The following ENO2 variants were observed in gnomAD, a reference collection of about 807,000 sequenced individuals.
ENO2 encodes gamma-enolase.
A neutral mutation model predicts 48.7 loss-of-function variants in ENO2; 19 were observed. That is an observed-to-expected ratio of 0.39 (90% CI 0.27 to 0.57). The LOEUF (loss-of-function observed/expected upper bound fraction) is 0.57. Ranked by LOEUF, ENO2 falls within the 20% of genes least tolerant of loss-of-function variation. The pLI, the probability that ENO2 is intolerant of heterozygous loss-of-function variation, is 0.58. For synonymous variants in ENO2, 198 were observed against 213.4 expected, an observed-to-expected ratio of 0.93 and a Z score of 0.63; for missense variants, 416 against 555.0, an observed-to-expected ratio of 0.75 and a Z score of 2.52.
chr12:6,917,553 C>T (rs1555141721), intron 5 of ENO2, 28 bp from the exon 6 acceptor site: 1 of 1,602,406 alleles, frequency 6.2e-7, no homozygotes, highest in Non-Finnish European at 8.5e-7. Flanking sequence ...GGACATTGTG[C>T]TCAGCACCTT....
intron 8 of ENO2, 33 bp from the exon 9 acceptor site, chr12:6,921,548 A>C (rs1591653992): frequency 1.2e-6 from 2 of 1,606,738 alleles, no homozygotes; most frequent in Non-Finnish European, 1.7e-6. Flanking sequence ...GAAGATGAAC[A>C]CCTCCCCCCT....
chr12:6,919,646 G>C lies in ENO2; in HGVS notation c.748G>C (p.Glu250Gln). The C allele has an allele frequency of 6.2e-7, 1 of 1,614,144 alleles. No individual in the cohort carries two copies. The highest frequency in any genetic ancestry group is 8.5e-7 in the Non-Finnish European group (1 of 1,180,038). Residue 250 changes from glutamate to glutamine, a missense_variant, in exon 8 of 12, where the codon GAG becomes CAG. By Grantham distance (29) the Glu-to-Gln change is conservative. Transcript: ENST00000229277. Reference sequence around the variant, plus strand: ...TATTGGCATGGATGTTGCTGCCTCAGAGTTTTATCGTGATGGCAAATATGA... The same window carrying C: ...TATTGGCATGGATGTTGCTGCCTCACAGTTTTATCGTGATGGCAAATATGA... ...IVIGMDVAASEFYRDGKYDLD... is the reference protein window; with the variant it reads ...IVIGMDVAASQFYRDGKYDLD...
chr12:6,917,278 G>T, intron 5 of ENO2, 171 bp downstream of exon 5: 7 of 828,382 alleles, frequency 8.5e-6, no homozygotes, highest in Non-Finnish European at 1.3e-5. Flanking sequence ...GGGAAGGACC[G>T]ACAGTAGGCA....
chr12:6,917,433 A>T, intron 5 of ENO2, 148 bp from the exon 6 acceptor site: 1 of 1,112,858 alleles, frequency 9.0e-7, no homozygotes, highest in Non-Finnish European at 1.3e-6. Context: ...TGTTTTCAAG[A>T]GAGCATGGAT....
chr12:6,917,147 G>T, intron 5 of ENO2, 40 bp downstream of exon 5: 2 of 1,611,966 alleles, frequency 1.2e-6, no homozygotes, highest in East Asian at 2.2e-5. Context: ...GCGTCAGGGT[G>T]GGGAGGCGTG....
In ENO2 at chr12:6,918,118, G is replaced by T. The variant is rs1945308581; in HGVS notation, c.623G>T (p.Gly208Val). The T allele has an allele frequency of 2.5e-6, 4 of 1,614,162 alleles. No individual in the cohort carries two copies. Among genetic ancestry groups the T allele is most frequent in the Non-Finnish European group, 3.4e-6 (4 of 1,180,016 alleles). The change falls in exon 7 of 12, where the codon GGG becomes GTG. Residue 208 changes from glycine to valine, a missense_variant. By Grantham distance (109) the Gly-to-Val change is moderately radical. Coordinates refer to ENST00000229277, the MANE Select transcript of ENO2 (RefSeq NM_001975.3). Reference sequence around the variant, plus strand: ...TACGGCAAGGATGCCACCAATGTGGGGGATGAAGGTGGCTTTGCCCCCAAT... The same window carrying T: ...TACGGCAAGGATGCCACCAATGTGGTGGATGAAGGTGGCTTTGCCCCCAAT... ...DKYGKDATNV[G>V]DEGGFAPNIL...
chr12:6,916,466 G>C lies in ENO2; in HGVS notation c.135G>C (p.Glu45Asp), dbSNP rs1555141611. Residue 45 changes from glutamate to aspartate, a missense_variant, in exon 3 of 12, where the codon GAG (glutamate) becomes GAC (aspartate). Transcript: ENST00000229277. The surrounding 1 kb of genome is among the most constrained non-coding windows in gnomAD (Gnocchi z 4.5). ...VPSGASTGIY[E>D]ALELRDGDKQ... ...GTGGAGCCTCTACGGGCATCTATGA[G>C]GCCCTGGAGCTGAGGGATGGAGACA... 6.2e-7 allele frequency: 1 copy of C among 1,614,042 alleles called. No individual in the cohort carries two copies. The highest frequency in any genetic ancestry group is 1.1e-5 in the South Asian group (1 of 91,048).
In ENO2 at chr12:6,916,189, T is replaced by C. The variant is rs1945290348; in HGVS notation, c.86-228T>C. ...AGACGTGTGCTGCAAGCAATTTTCT[T>C]TCTGCGGGCTCCCACTTGTGCATGT... On this transcript the variant is annotated intron_variant, in intron 2 of 11. Transcript: ENST00000229277. The surrounding 1 kb of genome is among the most constrained non-coding windows in gnomAD (Gnocchi z 4.5). Among the ~76,000 whole-genome samples, 2 of 151,770 alleles carry C rather than the reference T, an allele frequency of 1.3e-5. No homozygotes were observed. Among genetic ancestry groups the C allele is most frequent in the African/African-American group, 4.8e-5 (2 of 41,296 alleles).
chr12:6,915,718 A>G (rs1312810386), intron 1 of ENO2, 103 bp from the exon 2 acceptor site: 45 of 388,756 alleles, frequency 1.2e-4, no homozygotes, highest in African/African-American at 1.0e-3. Context: ...CACTGCAGTA[A>G]CCTCTTTCCC....
At chr12:6,920,153 G>A (rs1555141973) in intron 8 of ENO2, among the ~76,000 whole-genome samples, 1 of 152,110 alleles carries the variant, frequency 6.6e-6, no homozygotes, top group African/African-American at 2.4e-5. Flanking sequence ...TGAGTAGAAA[G>A]AAGGCTGAGG....
chr12:6,920,377 G>C (rs947234632), intron 8 of ENO2, among the ~76,000 whole-genome samples: 2 of 136,494 alleles, frequency 1.5e-5, no homozygotes, highest in East Asian at 4.9e-4. Flanking sequence ...TTTTTTGGGG[G>C]GGGGGTGGGG....
chr12:6,917,385 T>C, intron 5 of ENO2, 196 bp from the exon 6 acceptor site: 1 of 792,600 alleles, frequency 1.3e-6, no homozygotes, highest in South Asian at 1.9e-5. Context: ...CTCTCTGCCG[T>C]TTCCAATCTC....
chr12:6,921,426 G>A, intron 8 of ENO2, 155 bp from the exon 9 acceptor site: 2 of 717,968 alleles, frequency 2.8e-6, no homozygotes, highest in Non-Finnish European at 4.7e-6. Context: ...AGTTAGGGCA[G>A]GCTTACACTG....
Position 6,922,023 on chromosome 12 carries a change from G to C in ENO2, c.1068-33G>C. 1 of 1,612,662 alleles carries C rather than the reference G, an allele frequency of 6.2e-7. No homozygotes were observed. Among genetic ancestry groups the C allele is most frequent in the Non-Finnish European group, 8.5e-7 (1 of 1,178,678 alleles). On this transcript the variant is annotated intron_variant, in intron 9 of 11. Transcript: ENST00000229277. This position sits in a 1 kb window ranked among gnomAD's most constrained non-coding sequence, Gnocchi z 5.3. ...GCTGGGAAGAGAGTGCCCAGTGTGA[G>C]AGCTGGAGAATCAGTGCTGTGTGTG...
rs1555142237 is a variant in ENO2, at chr12:6,922,678, A to C, written c.1236-53A>C. The stretch of plus-strand genomic sequence containing the variant: ...AGTCTGGGGGACCCCTAGAGAGAGA[A>C]GCAGGATCCTCCTGCATCCCTGACC... On this transcript the variant is annotated intron_variant, in intron 11 of 11. Transcript: ENST00000229277. This position sits in a 1 kb window ranked among gnomAD's most constrained non-coding sequence, Gnocchi z 5.3. 6.3e-7 allele frequency: 1 copy of C among 1,595,822 alleles called. No homozygotes were observed. The highest frequency in any genetic ancestry group is 8.6e-7 in the Non-Finnish European group (1 of 1,163,748).
In ENO2 at chr12:6,916,841, A is replaced by G. The variant is rs1016957982; in HGVS notation, c.240+112A>G. On this transcript the variant is annotated intron_variant, in intron 4 of 11. Transcript: ENST00000229277. The surrounding 1 kb of genome is among the most constrained non-coding windows in gnomAD (Gnocchi z 4.5). ...CCCACTCTTAGGAATCATGGTTACA[A>G]GGGGGAAGGGTGGGGAACAGCTTCC... is the stretch of plus-strand genomic sequence containing the variant. The G allele has an allele frequency of 8.4e-5, 124 of 1,482,138 alleles. No individual in the cohort carries two copies. Among genetic ancestry groups the G allele is most frequent in the Non-Finnish European group, 1.1e-4 (114 of 1,082,620 alleles). The allele number at this position is 1,482,138 out of a possible 1,614,324, so 91.8% of individuals were successfully genotyped here. A position where few individuals can be genotyped will look rare whatever the true frequency, so the allele number is the denominator to read the frequency against.
At chr12:6,917,803 T>G (rs1262293808) in intron 6 of ENO2, 89 bp downstream of exon 6, 6 of 1,591,050 alleles carry the variant, frequency 3.8e-6, no homozygotes, top group Non-Finnish European at 5.1e-6. Flanking sequence ...GAAAGTGAAT[T>G]GAGGGAGGTA....
chr12:6,915,779 A>G (rs1945284913), intron 1 of ENO2, 42 bp from the exon 2 acceptor site: 2 of 1,460,278 alleles, frequency 1.4e-6, no homozygotes, highest in African/African-American at 3.0e-5. Context: ...CCACCCCTCT[A>G]AGCCTCTTAT....
intron 8 of ENO2, among the ~76,000 whole-genome samples, chr12:6,921,306 A>G (rs181627501): frequency 6.6e-6 from 1 of 152,168 alleles, no homozygotes; most frequent in African/African-American, 2.4e-5. Context: ...AGGTGGCAGG[A>G]TCACTTGATT....
Sources: gnomAD v4.1 joint callset for allele counts (sites outside exome capture counted in the v4.1 genomes callset) on GRCh38, gnomAD v4.1.1 for gene constraint, Gnocchi (gnomAD v3.1) non-coding constraint, MANE v1.5 for transcripts, NCBI Gene and HGNC (gene_info 2026-07-23, HGNC 2026-07-21) for gene names.